The following NCAM1 variants were observed in gnomAD, a reference collection of about 807,000 sequenced individuals.
The protein encoded by NCAM1 is neural cell adhesion molecule 1, also known as antigen recognized by monoclonal antibody 5.1H11.
In NCAM1, 14 loss-of-function variants were observed where a neutral mutation model predicts 109.8. The observed-to-expected ratio is 0.13, with a 90% confidence interval of 0.08 to 0.20. The LOEUF (loss-of-function observed/expected upper bound fraction) is 0.20, where lower values mean the gene tolerates loss of function less well. Ranked by LOEUF, NCAM1 falls within the 10% of genes least tolerant of loss-of-function variation. NCAM1 has a pLI of 1.00. For missense variants in NCAM1, 774 were observed against 1,109.9 expected, an observed-to-expected ratio of 0.70 and a Z score of 4.30; for synonymous variants, 418 against 442.9, an observed-to-expected ratio of 0.94 and a Z score of 0.70.
intron 18 of NCAM1, among the ~76,000 whole-genome samples, chr11:113,271,446 G>A (rs1250949846): frequency 6.7e-6 from 1 of 150,362 alleles, no homozygotes; most frequent in African/African-American, 2.4e-5. Flanking sequence ...AGAGACAGAT[G>A]TATGTATTTG....
rs77637586 is a variant in NCAM1 at position 113,155,098 on chromosome 11, G to A, written c.53-47281G>A. On this transcript the variant is annotated intron_variant, in intron 1 of 19. Coordinates refer to ENST00000316851, the MANE Select transcript of NCAM1 (RefSeq NM_181351.5). The stretch of plus-strand genomic sequence containing the variant: ...AAAGATGCACCCGAGGAGATCCCAG[G>A]GAGGATGACATTAGATGGCTCCATA... Among the ~76,000 whole-genome samples the A allele has an allele frequency of 9.8e-3, 1,488 of 152,290 alleles. 20 individuals are homozygous for A. The highest frequency in any genetic ancestry group is 0.034 in the African/African-American group (1,400 of 41,550).
rs1555117417 is a variant in NCAM1 at position 113,232,307 on chromosome 11, T to A, written c.1378T>A (p.Tyr460Asn). ...TGGCCAGCTGCTGCCAAGCTCCAAT[T>A]ACAGCAATATCAAGATCTACAACAC... Reference protein sequence around the residue: ...RDGQLLPSSNYSNIKIYNTPS... With the variant: ...RDGQLLPSSNNSNIKIYNTPS... The change falls in exon 11 of 20, where the codon TAC becomes AAC. Residue 460 changes from tyrosine to asparagine, a missense_variant. By Grantham distance (143) the Tyr-to-Asn change is moderately radical. Coordinates refer to ENST00000316851, the MANE Select transcript of NCAM1 (RefSeq NM_181351.5). The A allele has an allele frequency of 6.2e-7, 1 of 1,613,572 alleles. No homozygotes were observed. Among genetic ancestry groups the A allele is most frequent in the South Asian group, 1.1e-5 (1 of 91,032 alleles).
intron 1 of NCAM1, among the ~76,000 whole-genome samples, chr11:113,192,801 C>T (rs115140419): frequency 6.6e-6 from 1 of 152,170 alleles, no homozygotes; most frequent in South Asian, 2.1e-4. Flanking sequence ...TGTTTTCCTA[C>T]CTATAAAATG....
chr11:113,231,323 C>G, intron 9 of NCAM1: 1 of 1,531,676 alleles, frequency 6.5e-7, no homozygotes, highest in Non-Finnish European at 8.7e-7. Flanking sequence ...GGAGGCTTTG[C>G]TTCCATTTTA....
chr11:113,070,483 C>T (rs1938209275), intron 1 of NCAM1, among the ~76,000 whole-genome samples: 1 of 151,872 alleles, frequency 6.6e-6, no homozygotes, highest in Non-Finnish European at 1.5e-5. Context: ...GTGGATTCTA[C>T]AGAATGTTTT....
At chr11:113,004,115 T>C (rs1555072907) in intron 1 of NCAM1, among the ~76,000 whole-genome samples, 1 of 152,270 alleles carries the variant, frequency 6.6e-6, no homozygotes, top group African/African-American at 2.4e-5. Context: ...ATTTGAAAAC[T>C]ATTTTTCTCT....
chr11:112,991,598 A>C (rs1396228651), intron 1 of NCAM1, among the ~76,000 whole-genome samples: 2 of 152,162 alleles, frequency 1.3e-5, no homozygotes, highest in Admixed American at 6.5e-5. Context: ...GTGAAGAAGA[A>C]AGAGAGCAGA....
At chr11:113,017,639 G>GTGTGTGTGTGTGTGTGTGTGTGTA (rs1262902736) in intron 1 of NCAM1, among the ~76,000 whole-genome samples, 1 of 151,542 alleles carries the variant, frequency 6.6e-6, no homozygotes, top group Admixed American at 6.6e-5. Context: ...ACTGTTTTGT[G>GTGTGTGTGTGTGTGTGTGTGTGTA]TGTGTGTGTG....
chr11:113,214,943 T>C (rs1944487087), intron 8 of NCAM1, among the ~76,000 whole-genome samples: 1 of 152,244 alleles, frequency 6.6e-6, no homozygotes, highest in African/African-American at 2.4e-5. Context: ...CTTGTGTTTG[T>C]ATACTCATGC....
intron 19 of NCAM1, chr11:113,272,835 C>T (rs2156485): frequency 0.23 from 98,223 of 435,332 alleles, 12,811 homozygotes; most frequent in East Asian, 0.4. Context: ...ATGCCCCCAC[C>T]CCCATGGTCC....
rs974336402 is a variant in NCAM1 at position 113,277,007 on chromosome 11, G to A, written c.*1620G>A. 3 of 232,670 alleles carry A rather than the reference G, an allele frequency of 1.3e-5. No individual in the cohort carries two copies. The highest frequency in any genetic ancestry group is 4.5e-5 in the African/African-American group (2 of 44,596). The allele number at this position is 232,670 out of a possible 1,614,324, so 14.4% of individuals were successfully genotyped here. A position where few individuals can be genotyped will look rare whatever the true frequency, so the allele number is the denominator to read the frequency against. On this transcript the variant is annotated 3_prime_UTR_variant, in exon 20 of 20. Transcript: ENST00000316851. ...CTTCAACATAGTTTGGTTGTGGAAG[G>A]TATAGCAGATAGTTCAGAAAAAATA...
chr11:112,981,362 A>T (rs984639388), intron 1 of NCAM1, among the ~76,000 whole-genome samples: 1 of 152,074 alleles, frequency 6.6e-6, no homozygotes, highest in African/African-American at 2.4e-5. Flanking sequence ...TGGATTTAAG[A>T]TGTATTTCTT....
intron 1 of NCAM1, among the ~76,000 whole-genome samples, chr11:113,068,336 T>C (rs1938078248): frequency 1.3e-5 from 2 of 152,200 alleles, no homozygotes; most frequent in Non-Finnish European, 2.9e-5. Context: ...GCCCTGTGAT[T>C]AAGCATCGGT....
At chr11:112,994,113 A>G (rs1951533153) in intron 1 of NCAM1, among the ~76,000 whole-genome samples, 1 of 152,204 alleles carries the variant, frequency 6.6e-6, no homozygotes, top group African/African-American at 2.4e-5. Context: ...GCAAAATTTC[A>G]AGTTATTCCC....
chr11:113,002,378 G>T (rs1197480748), intron 1 of NCAM1, among the ~76,000 whole-genome samples: 2 of 152,148 alleles, frequency 1.3e-5, no homozygotes, highest in African/African-American at 4.8e-5. Context: ...CTGTTTAATT[G>T]AATCTTATCA....
chr11:112,970,838 G>A (rs989577764), intron 1 of NCAM1, among the ~76,000 whole-genome samples: 5 of 152,094 alleles, frequency 3.3e-5, no homozygotes, highest in African/African-American at 1.2e-4. Context: ...TTTTGGATAA[G>A]GATAAAGGGG....
intron 1 of NCAM1, among the ~76,000 whole-genome samples, chr11:112,981,897 G>C (rs1951164150): frequency 6.6e-6 from 1 of 151,828 alleles, no homozygotes; most frequent in African/African-American, 2.4e-5. Context: ...ATTAGTTGTT[G>C]TCTTTCACTA....
intron 8 of NCAM1, among the ~76,000 whole-genome samples, chr11:113,219,367 C>T (rs188887198): frequency 2.6e-5 from 4 of 152,300 alleles, no homozygotes; most frequent in Admixed American, 1.3e-4. Flanking sequence ...GTTTATCCAG[C>T]GTGTGGGCAC....
At position 113,070,182 on chromosome 11, in the gene NCAM1, G is replaced by A. The variant is rs115421128; in HGVS notation, c.52+108518G>A. On this transcript the variant is annotated intron_variant, in intron 1 of 19. Coordinates refer to ENST00000316851, the MANE Select transcript of NCAM1 (RefSeq NM_181351.5). ...CCTTCTCAGTCTTAAGAGCATCCTGGCTTGGGTGCTGAATGACGTGATTAT... is the reference window on the plus strand; with the variant it reads ...CCTTCTCAGTCTTAAGAGCATCCTGACTTGGGTGCTGAATGACGTGATTAT... Among the ~76,000 whole-genome samples the A allele has an allele frequency of 6.6e-3, 1,005 of 152,212 alleles. 10 individuals are homozygous for A. Among genetic ancestry groups the A allele is most frequent in the African/African-American group, 0.023 (950 of 41,522 alleles).
Sources: allele counts gnomAD v4.1 joint callset (sites outside exome capture counted in the v4.1 genomes callset), GRCh38; gene constraint gnomAD v4.1.1; transcripts MANE v1.5; gene names NCBI Gene and HGNC (gene_info 2026-07-23, HGNC 2026-07-21).